FBXL5: variants seen among roughly 807,000 people sequenced by gnomAD.
FBXL5 encodes F-box and leucine rich repeat protein 5, also known as F-box/LRR-repeat protein 5.
A neutral mutation model predicts 78.3 loss-of-function variants in FBXL5; 26 were observed. The observed-to-expected ratio is 0.33, with a 90% CI of 0.24 to 0.46. The LOEUF is 0.46. Among genes scored for constraint, FBXL5 ranks in the 20% least tolerant of loss-of-function variants. FBXL5 has a pLI of 1.00. For synonymous variants in FBXL5, 295 were observed against 282.5 expected (o/e 1.04, Z -0.45); for missense variants, 710 against 829.2 (o/e 0.86, Z 1.77).
chr4:15,650,201 C>T (rs1007426232), intron 1 of FBXL5, among the ~76,000 whole-genome samples: 6 of 152,140 alleles, frequency 3.9e-5, no homozygotes, highest in Admixed American at 2.6e-4. Flanking sequence ...GGACAGCCCC[C>T]ATAAAAAAGA....
At chr4:15,619,410 C>T (rs1712250559) in intron 9 of FBXL5, among the ~76,000 whole-genome samples, 1 of 151,872 alleles carries the variant, frequency 6.6e-6, no homozygotes, top group African/African-American at 2.4e-5. Flanking sequence ...ACAAATCACA[C>T]ATTAATAAAG....
chr4:15,619,218 A>G lies in FBXL5; in HGVS notation c.1850+6034T>C, dbSNP rs1194127590. Among the ~76,000 whole-genome samples, 3 of 152,334 alleles carry G rather than the reference A, an allele frequency of 2.0e-5. No individual in the cohort carries two copies. The East Asian group carries it at 5.8e-4, about 29-fold the overall frequency. On this transcript the variant is annotated intron_variant, in intron 9 of 10. Coordinates refer to ENST00000341285, the MANE Select transcript of FBXL5 (RefSeq NM_012161.4). Reference sequence around the variant, plus strand: ...GAAGGACAAATATAAAATTCATTCTATGAAACCAGTATTATCAAAGCCAAA... The same window carrying G: ...GAAGGACAAATATAAAATTCATTCTGTGAAACCAGTATTATCAAAGCCAAA...
At chr4:15,665,323 G>C (rs892913814) in intron 1 of FBXL5, among the ~76,000 whole-genome samples, 2 of 152,100 alleles carry the variant, frequency 1.3e-5, no homozygotes, top group African/African-American at 2.4e-5. Context: ...GCGGTGTCAG[G>C]CATCTTAGCC....
upstream of FBXL5, chr4:15,655,418 T>A (rs1383674339): frequency 4.0e-6 from 4 of 1,001,076 alleles, no homozygotes; most frequent in South Asian, 9.3e-5. Context: ...CCGGTCGGCT[T>A]GGCCGGCGGG....
At chr4:15,621,303 T>C (rs1712457141) in intron 9 of FBXL5, among the ~76,000 whole-genome samples, 1 of 152,234 alleles carries the variant, frequency 6.6e-6, no homozygotes, top group Non-Finnish European at 1.5e-5. Flanking sequence ...TATACTTCTA[T>C]ATACTAGCAA....
At chr4:15,647,609 T>C (rs1453350131) in intron 1 of FBXL5, among the ~76,000 whole-genome samples, 1 of 152,184 alleles carries the variant, frequency 6.6e-6, no homozygotes, top group Non-Finnish European at 1.5e-5. Context: ...AATAACACAT[T>C]AAGGTAAAGA....
chr4:15,654,856 G>T (rs906986164), intron 1 of FBXL5, among the ~76,000 whole-genome samples: 1 of 152,178 alleles, frequency 6.6e-6, no homozygotes, highest in African/African-American at 2.4e-5. Flanking sequence ...GAGGAGGTAG[G>T]GCCGCTCTCC....
chr4:15,605,922 A>G, intron 10 of FBXL5, 123 bp from the exon 11 acceptor site: 1 of 695,890 alleles, frequency 1.4e-6, no homozygotes, highest in African/African-American at 1.8e-5. Context: ...ATAGAAGTAA[A>G]TCTCATGATA....
At position 15,679,082 on chromosome 4, in the gene FBXL5, T is replaced by C. The variant is rs900495551; in HGVS notation, c.-284+2301A>G. On this transcript the variant is annotated intron_variant, in intron 1 of 4. Coordinates refer to the FBXL5 transcript ENST00000507899. Reference sequence around the variant, plus strand: ...ATCTCTATTTTTTTTTTTTTTTTTTTTGAGACGGAGTCTCACTCTCACCAG... The same window carrying C: ...ATCTCTATTTTTTTTTTTTTTTTTTCTGAGACGGAGTCTCACTCTCACCAG... Among the ~76,000 whole-genome samples, 277 of 149,256 alleles carry C rather than the reference T, an allele frequency of 1.9e-3. 1 individual carries two copies. The highest frequency in any genetic ancestry group is 6.4e-3 in the African/African-American group (259 of 40,302).
rs1157925503 is a variant in FBXL5, at chr4:15,641,564, C to T, written c.301-681G>A. On this transcript the variant is annotated intron_variant, in intron 2 of 10. Coordinates refer to ENST00000341285, the MANE Select transcript of FBXL5 (RefSeq NM_012161.4). The stretch of plus-strand genomic sequence containing the variant: ...CAGTATATATATTTTACATATAATA[C>T]ATGAAATAATTGTTATTCGATTGTT... 10 of 455,066 alleles carry T rather than the reference C, an allele frequency of 2.2e-5. No homozygotes were observed. In the Middle Eastern group the frequency reaches 2.9e-3, roughly 130 times the overall value. 28.2% of individuals were successfully genotyped at this position (455,066 alleles called of 1,614,324 possible).
Position 15,640,802 on chromosome 4 carries a change from T to G in FBXL5, c.382A>C (p.Lys128Gln). The G allele has an allele frequency of 6.5e-7, 1 of 1,546,208 alleles. No homozygotes were observed. The highest frequency in any genetic ancestry group is 8.7e-7 in the Non-Finnish European group (1 of 1,143,334). Residue 128 changes from lysine to glutamine, a missense_variant, in exon 3 of 11, where the codon AAA becomes CAA. Transcript: ENST00000341285. ...AFTRDFLPHM[K>Q]EEEEVFQPML... ...ATTATGCTTACCTCCTCTTCCTCTT[T>G]CATGTGAGGAAGAAAATCTCTTGTA...
intron 8 of FBXL5, 82 bp downstream of exon 8, chr4:15,626,791 T>C (rs1713105034): frequency 6.2e-6 from 6 of 968,514 alleles, no homozygotes; most frequent in South Asian, 4.8e-5. Flanking sequence ...TAAAAAATAA[T>C]AGTATGATTA....
chr4:15,656,143 A>C, upstream of FBXL5: 2 of 455,714 alleles, frequency 4.4e-6, no homozygotes, highest in Non-Finnish European at 8.8e-6. Context: ...AGAAGGGTGA[A>C]TAATGGAAGG....
chr4:15,668,550 A>G (rs1210348238), intron 1 of FBXL5, among the ~76,000 whole-genome samples: 1 of 152,128 alleles, frequency 6.6e-6, no homozygotes, highest in African/African-American at 2.4e-5. Flanking sequence ...CCAACATCGT[A>G]CAAGTCACAT....
upstream of FBXL5, among the ~76,000 whole-genome samples, chr4:15,662,250 AT>A (rs1248661224): frequency 6.6e-6 from 1 of 152,114 alleles, no homozygotes; most frequent in Non-Finnish European, 1.5e-5. Context: ...GCTCTACTTT[AT>A]TTAGGGGCAT....
Position 15,625,531 on chromosome 4 carries a change from T to C in FBXL5, c.1571A>G (p.Asp524Gly). The change falls in exon 9 of 11, where the codon GAC becomes GGC. Residue 524 changes from aspartate (D) to glycine (G), a missense_variant. Physicochemically the swap from Asp to Gly is moderately conservative, Grantham distance 94. Coordinates refer to ENST00000341285, the MANE Select transcript of FBXL5 (RefSeq NM_012161.4). ...GACACTAGTCCTTAGTCCAACAATG[T>C]CCTTACTAAAACAACCAGAGGTGGA... ...SCSTSGCFSK[D>G]IVGLRTSVCW... 6.2e-7 allele frequency: 1 copy of C among 1,614,156 alleles called. No individual in the cohort carries two copies. The highest frequency in any genetic ancestry group is 8.5e-7 in the Non-Finnish European group (1 of 1,180,030).
intron 9 of FBXL5, among the ~76,000 whole-genome samples, chr4:15,620,649 C>T (rs1712380588): frequency 6.6e-6 from 1 of 152,214 alleles, no homozygotes; most frequent in Non-Finnish European, 1.5e-5. Flanking sequence ...GCAAGCCCCC[C>T]AAAATCTGGC....
At chr4:15,654,100 A>C (rs1577490291) in intron 1 of FBXL5, among the ~76,000 whole-genome samples, 2 of 152,194 alleles carry the variant, frequency 1.3e-5, no homozygotes, top group East Asian at 3.8e-4. Flanking sequence ...GTGGCCTAAC[A>C]GTGAATACCC....
At chr4:15,620,367 C>A (rs1712359002) in intron 9 of FBXL5, among the ~76,000 whole-genome samples, 1 of 152,012 alleles carries the variant, frequency 6.6e-6, no homozygotes, top group African/African-American at 2.4e-5. Context: ...AAGGGATCTA[C>A]ACATTTAATG....
Sources: gnomAD v4.1 joint callset for allele counts (sites outside exome capture counted in the v4.1 genomes callset) on GRCh38, gnomAD v4.1.1 for gene constraint, MANE v1.5 for transcripts, NCBI Gene and HGNC (gene_info 2026-07-23, HGNC 2026-07-21) for gene names.